The following SLC39A12 variants were observed in gnomAD, a reference collection of about 807,000 sequenced individuals.
SLC39A12 encodes the protein solute carrier family 39 member 12.
Under a neutral mutation model 71.1 loss-of-function variants are expected in SLC39A12, and 63 were observed. That is an observed-to-expected ratio of 0.89 (90% CI 0.72 to 1.09). The LOEUF is 1.09. SLC39A12 is among the 50% of genes least tolerant of loss of function. The pLI is 0.00. For missense variants in SLC39A12, 892 were observed against 812.6 expected (o/e 1.10, Z -1.19); for synonymous variants, 351 against 301.3 (o/e 1.16, Z -1.71).
chr10:17,968,743 C>A (rs1589223428), intron 4 of SLC39A12, among the ~76,000 whole-genome samples: 1 of 152,152 alleles, frequency 6.6e-6, no homozygotes, highest in East Asian at 1.9e-4. Context: ...ATAATGACAT[C>A]ATAGAGAATG....
At chr10:18,011,078 C>T (rs1564656387) in intron 12 of SLC39A12, among the ~76,000 whole-genome samples, 2 of 151,872 alleles carry the variant, frequency 1.3e-5, no homozygotes, top group African/African-American at 2.4e-5. Context: ...GGTATTTCCT[C>T]CCTTCCTTCC....
chr10:17,986,902 G>T (rs2130818174), intron 6 of SLC39A12, among the ~76,000 whole-genome samples: 1 of 152,246 alleles, frequency 6.6e-6, no homozygotes, highest in South Asian at 2.1e-4. Context: ...CTGCTCGAGG[G>T]TCTGATGTGG....
Position 18,005,149 on chromosome 10 carries a change from G to A in SLC39A12, c.1947+1791G>A, listed in dbSNP as rs142870569. On this transcript the variant is annotated intron_variant, in intron 12 of 12. Coordinates refer to ENST00000377369, the MANE Select transcript of SLC39A12 (RefSeq NM_001145195.2). ...AGGATTGATACCTAGGTGATGGGTTGATAGGTGCAGCAAACCACTGTGACA... is the reference window on the plus strand; with the variant it reads ...AGGATTGATACCTAGGTGATGGGTTAATAGGTGCAGCAAACCACTGTGACA... Among the ~76,000 whole-genome samples, 1,308 of 152,166 alleles carry A rather than the reference G, an allele frequency of 8.6e-3. 22 individuals are homozygous for A. The highest frequency in any genetic ancestry group is 0.03 in the African/African-American group (1,244 of 41,516).
intron 12 of SLC39A12, among the ~76,000 whole-genome samples, chr10:18,017,977 A>G (rs150372036): frequency 1.3e-5 from 2 of 152,338 alleles, no homozygotes; most frequent in South Asian, 2.1e-4. Flanking sequence ...AATTGGAAAT[A>G]ACTGACATCT....
rs1835153058 is a variant in SLC39A12 at position 17,977,954 on chromosome 10, T to A, written c.804T>A (p.Asn268Lys). The A allele has an allele frequency of 6.2e-7, 1 of 1,611,734 alleles. No homozygotes were observed. The highest frequency in any genetic ancestry group is 8.5e-7 in the Non-Finnish European group (1 of 1,179,164). Residue 268 changes from asparagine (N) to lysine (K), a missense_variant, in exon 5 of 13, where the codon AAT (asparagine) becomes AAA (lysine). Transcript: ENST00000377369. ...TLWTRSTCIK[N>K]EKIHQFQRKQ... ...GGACCAGAAGTACTTGTATCAAAAA[T>A]GAGAAAATCCATCAATTTCAAAGGA...
At chr10:17,995,913 A>G (rs1456371785) in intron 10 of SLC39A12, among the ~76,000 whole-genome samples, 191 bp downstream of exon 10, 1 of 152,238 alleles carries the variant, frequency 6.6e-6, no homozygotes, top group Non-Finnish European at 1.5e-5. Flanking sequence ...ATTCATATCA[A>G]TTTTACTCCT....
Position 18,037,682 on chromosome 10 carries a change from T to G in SLC39A12, c.1948-5023T>G, listed in dbSNP as rs371905168. 1.6e-4 allele frequency among the ~76,000 whole-genome samples: 25 copies of G among 152,250 alleles called. 1 individual carries two copies. In the East Asian group the frequency reaches 4.6e-3, roughly 28 times the overall value. On this transcript the variant is annotated intron_variant, in intron 12 of 12. Transcript: ENST00000377369. Reference sequence around the variant, plus strand: ...ATAAAATAAGCATTGCATAAGACTTTGTAGCCAGGACAACCTGAAAGACCT... The same window carrying G: ...ATAAAATAAGCATTGCATAAGACTTGGTAGCCAGGACAACCTGAAAGACCT...
At chr10:18,001,232 C>T (rs981416102) in intron 11 of SLC39A12, among the ~76,000 whole-genome samples, 47 of 152,094 alleles carry the variant, frequency 3.1e-4, no homozygotes, top group African/African-American at 1.0e-3. Context: ...AAATTAAAAC[C>T]GGCCGGGCGC....
chr10:17,980,887 CAG>C lies in SLC39A12; in HGVS notation c.925-424_925-423del, dbSNP rs779382454. 3.3e-5 allele frequency among the ~76,000 whole-genome samples: 5 copies of C among 152,122 alleles called. No individual in the cohort carries two copies. In the South Asian group the frequency reaches 8.3e-4, roughly 25 times the overall value. ...GCCTACACAGGCTGACTAAATCAAA[CAG>C]TATGAAAGACAGTGACCTCATTACC... is the stretch of plus-strand genomic sequence containing the variant. On this transcript the variant is annotated intron_variant, in intron 5 of 12. Coordinates refer to ENST00000377369, the MANE Select transcript of SLC39A12 (RefSeq NM_001145195.2).
intron 6 of SLC39A12, among the ~76,000 whole-genome samples, chr10:17,986,638 G>A (rs368275715): frequency 1.8e-4 from 27 of 152,254 alleles, no homozygotes; most frequent in East Asian, 1.2e-3. Context: ...TGAATTTTGC[G>A]GAGACACAAA....
intron 4 of SLC39A12, among the ~76,000 whole-genome samples, chr10:17,969,423 C>T (rs995384438): frequency 6.6e-6 from 1 of 152,130 alleles, no homozygotes; most frequent in Non-Finnish European, 1.5e-5. Flanking sequence ...CACCAGTGTT[C>T]CCTTTTCTCC....
At chr10:18,017,498 G>A (rs2488112) in intron 12 of SLC39A12, among the ~76,000 whole-genome samples, 68,914 of 151,864 alleles carry the variant, frequency 0.45, 16,043 homozygotes, top group Non-Finnish European at 0.52. Context: ...TAGTAGAGAC[G>A]GGGTTTCACC....
chr10:17,956,800 A>G (rs1301579630), intron 2 of SLC39A12, among the ~76,000 whole-genome samples: 1 of 152,228 alleles, frequency 6.6e-6, no homozygotes, highest in East Asian at 1.9e-4. Flanking sequence ...TAAAGTGTGG[A>G]AAACACCCAG....
intron 12 of SLC39A12, chr10:18,009,824 A>C (rs940892075): frequency 1.3e-5 from 2 of 152,214 alleles, no homozygotes; most frequent in African/African-American, 4.8e-5. Flanking sequence ...AAACATATCC[A>C]AAAATGCAAA....
At chr10:18,040,221 A>G (rs547945597) in intron 12 of SLC39A12, among the ~76,000 whole-genome samples, 1 of 152,280 alleles carries the variant, frequency 6.6e-6, no homozygotes, top group South Asian at 2.1e-4. Flanking sequence ...TAATTGATGA[A>G]TCAGATAAGA....
At chr10:17,998,851 T>A (rs1835754373) in intron 10 of SLC39A12, among the ~76,000 whole-genome samples, 3 of 152,196 alleles carry the variant, frequency 2.0e-5, no homozygotes, top group Non-Finnish European at 2.9e-5. Flanking sequence ...CAAACCACAT[T>A]ATAATGCAAT....
intron 2 of SLC39A12, among the ~76,000 whole-genome samples, chr10:17,956,147 G>A (rs1359993427): frequency 6.6e-6 from 1 of 152,144 alleles, no homozygotes; most frequent in Non-Finnish European, 1.5e-5. Flanking sequence ...AGATATCTGT[G>A]AAAATCACAC....
chr10:18,031,147 A>T (rs1274678547), intron 12 of SLC39A12, among the ~76,000 whole-genome samples: 1 of 137,390 alleles, frequency 7.3e-6, no homozygotes, highest in African/African-American at 3.0e-5. Flanking sequence ...ATTTATAGTC[A>T]TTTGGGTATA....
intron 12 of SLC39A12, among the ~76,000 whole-genome samples, chr10:18,016,317 G>A (rs537867610): frequency 6.6e-6 from 1 of 152,238 alleles, no homozygotes; most frequent in East Asian, 1.9e-4. Flanking sequence ...TTTCAGATAA[G>A]CATCTTCATT....
Sources: gnomAD v4.1 joint callset for allele counts (sites outside exome capture counted in the v4.1 genomes callset) on GRCh38, gnomAD v4.1.1 for gene constraint, MANE v1.5 for transcripts, NCBI Gene and HGNC (gene_info 2026-07-23, HGNC 2026-07-21) for gene names.